The following PGM5 variants were observed in gnomAD, a reference collection of about 807,000 sequenced individuals.
The protein encoded by PGM5 is phosphoglucomutase-like protein 5.
A neutral mutation model predicts 59.2 loss-of-function variants in PGM5; 23 were observed. That is an observed-to-expected ratio of 0.39 (90% CI 0.28 to 0.55). The LOEUF (loss-of-function observed/expected upper bound fraction) is 0.55. PGM5 is among the 20% of genes least tolerant of loss of function. The probability of loss-of-function intolerance (pLI) is 0.66; values close to 1 mark genes in which losing one functional copy is unlikely to be tolerated. For synonymous variants in PGM5, 214 were observed against 286.0 expected (o/e 0.75, Z 2.54); for missense variants, 574 against 748.3 (o/e 0.77, Z 2.72).
intron 10 of PGM5, among the ~76,000 whole-genome samples, chr9:68,506,943 G>GA (rs1824667374): frequency 6.6e-6 from 1 of 151,904 alleles, no homozygotes; most frequent in Non-Finnish European, 1.5e-5. Flanking sequence ...CCCAAACCCT[G>GA]AAAAAAATTA....
chr9:68,495,153 G>GTTAAT (rs1342400324), intron 9 of PGM5, among the ~76,000 whole-genome samples: 1 of 152,184 alleles, frequency 6.6e-6, no homozygotes, highest in Non-Finnish European at 1.5e-5. Flanking sequence ...AAATTTTAAG[G>GTTAAT]TTAACACTGC....
At position 68,356,723 on chromosome 9, in the gene PGM5, G is replaced by C. The variant is rs1339214624; in HGVS notation, c.-405G>C. On this transcript the variant is annotated 5_prime_UTR_variant, in exon 1 of 11. Coordinates refer to ENST00000396396, the MANE Select transcript of PGM5 (RefSeq NM_021965.4). ...TGGCGGAGGGTGTGCCCCGGAGGGC[G>C]GCGATCGCGGGTGAAGGCTGGGGCC... 6.6e-6 allele frequency among the ~76,000 whole-genome samples: 1 copy of C among 152,236 alleles called. No homozygotes were observed. Among genetic ancestry groups the C allele is most frequent in the Non-Finnish European group, 1.5e-5 (1 of 68,036 alleles).
chr9:68,473,878 G>A (rs1055679993), intron 7 of PGM5, among the ~76,000 whole-genome samples: 1 of 152,136 alleles, frequency 6.6e-6, no homozygotes, highest in Non-Finnish European at 1.5e-5. Context: ...GCTGACTCCA[G>A]TGAGAACCCC....
At chr9:68,491,442 A>T (rs1268454996) in intron 9 of PGM5, among the ~76,000 whole-genome samples, 2 of 152,186 alleles carry the variant, frequency 1.3e-5, no homozygotes, top group Non-Finnish European at 2.9e-5. Context: ...TAAAGAGCTA[A>T]GGTTTCCTAT....
At position 68,479,662 on chromosome 9, in the gene PGM5, C is replaced by T. The variant is rs142368028; in HGVS notation, c.1295+109C>T. On this transcript the variant is annotated intron_variant, in intron 8 of 10. Coordinates refer to ENST00000396396, the MANE Select transcript of PGM5 (RefSeq NM_021965.4). The stretch of plus-strand genomic sequence containing the variant: ...TAAAAAGGAGGCATCAGGCCGGGCG[C>T]GGTGGCTCACGCCTGTAATCCCAGC... The T allele has an allele frequency of 2.0e-5, 22 of 1,106,012 alleles. No homozygotes were observed. In the Admixed American group the frequency reaches 2.8e-4, roughly 14 times the overall value. The allele number at this position is 1,106,012 out of a possible 1,614,324, so 68.5% of individuals were successfully genotyped here.
intron 1 of PGM5, among the ~76,000 whole-genome samples, chr9:68,369,653 C>T (rs1168470388): frequency 6.6e-6 from 1 of 152,150 alleles, no homozygotes; most frequent in Non-Finnish European, 1.5e-5. Flanking sequence ...AAGAACAAGA[C>T]TTGGGCCACA....
At chr9:68,447,413 G>A (rs181897712) in intron 6 of PGM5, among the ~76,000 whole-genome samples, 4 of 152,124 alleles carry the variant, frequency 2.6e-5, no homozygotes, top group Non-Finnish European at 5.9e-5. Context: ...AGTGAGGCTC[G>A]AGTTTGGAGA....
rs7035035 is a variant in PGM5, at chr9:68,437,030, C to T, written c.1044-28063C>T. Among the ~76,000 whole-genome samples the T allele has an allele frequency of 0.024, 3,598 of 152,266 alleles. 128 individuals carry two copies. Among genetic ancestry groups the T allele is most frequent in the African/African-American group, 0.08 (3,305 of 41,532 alleles). ...ATTTAAAAATGCCTTTGTATTTATG[C>T]ATAGCTAACTCCTGAGTTTCCATTA... On this transcript the variant is annotated intron_variant, in intron 6 of 10. Transcript: ENST00000396396. The surrounding 1 kb of genome is among the most constrained non-coding windows in gnomAD (Gnocchi z 4.1).
intron 9 of PGM5, among the ~76,000 whole-genome samples, chr9:68,491,355 A>C (rs1382111068): frequency 6.6e-6 from 1 of 152,220 alleles, no homozygotes; most frequent in East Asian, 1.9e-4. Context: ...AAGGCAGCCC[A>C]GGTGAAACCA....
chr9:68,499,259 G>A lies in PGM5; in HGVS notation c.1512G>A (p.Arg504=), dbSNP rs565878546. Residue 504 remains arginine (R), a synonymous_variant, in exon 10 of 11, where the codon CGG becomes CGA. Coordinates refer to ENST00000396396, the MANE Select transcript of PGM5 (RefSeq NM_021965.4). ...GGATCATTTTCTCGGATGCATCACG[G>A]CTCATCTTCCGGCTCAGTTCCTCCA... is the stretch of plus-strand genomic sequence containing the variant. The part of the protein sequence containing the change: ...GLRIIFSDAS[R]LIFRLSSSSG... The A allele has an allele frequency of 2.5e-6, 4 of 1,614,152 alleles. No individual in the cohort carries two copies. Among genetic ancestry groups the A allele is most frequent in the Non-Finnish European group, 3.4e-6 (4 of 1,180,032 alleles).
chr9:68,480,314 A>G (rs782568590), intron 8 of PGM5, among the ~76,000 whole-genome samples: 7 of 152,162 alleles, frequency 4.6e-5, no homozygotes, highest in Admixed American at 1.3e-4. Context: ...CTCCTCACCA[A>G]TAATCAGATT....
rs143089287 is a variant in PGM5, at chr9:68,389,643, A to C, written c.698-1891A>C. On this transcript the variant is annotated intron_variant, in intron 4 of 10. Transcript: ENST00000396396. The stretch of plus-strand genomic sequence containing the variant: ...ATATACCACAATTTGTTTATCCATT[A>C]ACTGGTTAATGAAAATTAGATTTCT... Among the ~76,000 whole-genome samples the C allele has an allele frequency of 2.1e-3, 322 of 152,222 alleles. 1 individual carries two copies. Among genetic ancestry groups the C allele is most frequent in the African/African-American group, 7.4e-3 (309 of 41,552 alleles).
intron 7 of PGM5, chr9:68,466,378 T>C: frequency 3.8e-6 from 1 of 262,354 alleles, no homozygotes; most frequent in South Asian, 4.8e-5. Flanking sequence ...ATTAGATCAT[T>C]TAACATATTA....
intron 6 of PGM5, among the ~76,000 whole-genome samples, chr9:68,440,778 A>G (rs927381585): frequency 5.9e-5 from 9 of 152,108 alleles, no homozygotes; most frequent in Non-Finnish European, 1.0e-4. Context: ...AGAAAAGAGA[A>G]TAAATAAACC....
At chr9:68,418,162 T>C (rs694110) in intron 6 of PGM5, among the ~76,000 whole-genome samples, 42 of 152,322 alleles carry the variant, frequency 2.8e-4, no homozygotes, top group African/African-American at 1.0e-3. Flanking sequence ...GCTGGCGTGA[T>C]TCCATTTTGT....
intron 6 of PGM5, among the ~76,000 whole-genome samples, chr9:68,440,899 A>G (rs1554683647): frequency 6.6e-6 from 1 of 152,100 alleles, no homozygotes. Context: ...AGTAAATAAA[A>G]TTGATAAACC....
At chr9:68,361,170 G>A (rs1374673533) in intron 1 of PGM5, among the ~76,000 whole-genome samples, 1 of 152,138 alleles carries the variant, frequency 6.6e-6, no homozygotes, top group African/African-American at 2.4e-5. Context: ...CTTCCAGCTT[G>A]GTCTCCCTGA....
chr9:68,441,461 T>A (rs1424066860), intron 6 of PGM5, among the ~76,000 whole-genome samples: 5 of 152,158 alleles, frequency 3.3e-5, no homozygotes, highest in African/African-American at 1.2e-4. Context: ...GAGGCTGTTT[T>A]AATATTTAAA....
intron 9 of PGM5, chr9:68,497,369 G>T (rs1425455701): frequency 1.3e-5 from 2 of 152,194 alleles, no homozygotes; most frequent in African/African-American, 4.8e-5. Context: ...CATCCTGTCT[G>T]CAAAGCCAGT....
Sources: gnomAD v4.1 joint callset for allele counts (sites outside exome capture counted in the v4.1 genomes callset) on GRCh38, gnomAD v4.1.1 for gene constraint, Gnocchi (gnomAD v3.1) non-coding constraint, MANE v1.5 for transcripts, NCBI Gene and HGNC (gene_info 2026-07-23, HGNC 2026-07-21) for gene names.